The following NRG3 variants were observed in gnomAD, a reference collection of about 807,000 sequenced individuals.
The protein encoded by NRG3 is neuregulin 3.
A neutral mutation model predicts 66.9 loss-of-function variants in NRG3; 31 were observed. That is an observed-to-expected ratio of 0.46 (90% CI 0.35 to 0.63). The LOEUF (loss-of-function observed/expected upper bound fraction) is 0.63. Among genes scored for constraint, NRG3 ranks in the 20% least tolerant of loss-of-function variants. The pLI is 0.00. For missense variants in NRG3, 910 were observed against 878.9 expected, an observed-to-expected ratio of 1.04 and a Z score of -0.45; for synonymous variants, 393 against 359.4, an observed-to-expected ratio of 1.09 and a Z score of -1.06.
At chr10:82,499,023 T>C (rs1843887265) in intron 2 of NRG3, among the ~76,000 whole-genome samples, 1 of 151,876 alleles carries the variant, frequency 6.6e-6, no homozygotes, top group African/African-American at 2.4e-5. Context: ...ACATATTGAG[T>C]AGCAGGAACC....
At chr10:82,382,174 GA>G (rs2085660368) in intron 2 of NRG3, among the ~76,000 whole-genome samples, 1 of 151,904 alleles carries the variant, frequency 6.6e-6, no homozygotes, top group Non-Finnish European at 1.5e-5. Context: ...AGTGCACATG[GA>G]AAAGAAAAAT....
chr10:82,217,758 C>T (rs2075759851), intron 1 of NRG3, among the ~76,000 whole-genome samples: 1 of 152,194 alleles, frequency 6.6e-6, no homozygotes, highest in African/African-American at 2.4e-5. Flanking sequence ...TAAAATTACA[C>T]TTCCTCCTCT....
intron 1 of NRG3, among the ~76,000 whole-genome samples, chr10:82,303,324 T>C (rs1021210166): frequency 8.3e-5 from 11 of 132,340 alleles, no homozygotes; most frequent in Non-Finnish European, 1.7e-4. Flanking sequence ...TACATACTAC[T>C]GTGCGTGTAT....
At position 82,189,035 on chromosome 10, in the gene NRG3, A is replaced by T. The variant is rs184947124; in HGVS notation, c.824-169704A>T. ...ATTTTAAAAAGCCATGAAATAATTAAGTAAACTGGATATTCACATAATGAA... is the reference window on the plus strand; with the variant it reads ...ATTTTAAAAAGCCATGAAATAATTATGTAAACTGGATATTCACATAATGAA... On this transcript the variant is annotated intron_variant, in intron 1 of 8. Transcript: ENST00000372141. Among the ~76,000 whole-genome samples the T allele has an allele frequency of 3.3e-5, 5 of 152,342 alleles. No homozygotes were observed. The East Asian group carries it at 9.6e-4, about 29-fold the overall frequency.
intron 1 of NRG3, among the ~76,000 whole-genome samples, chr10:82,115,298 G>A (rs1272372470): frequency 1.3e-5 from 2 of 152,042 alleles, no homozygotes; most frequent in African/African-American, 2.4e-5. Context: ...ATTTCCAAGA[G>A]GCCCCTTCAA....
At chr10:81,910,428 ATTGGAT>A (rs1845021523) in intron 1 of NRG3, among the ~76,000 whole-genome samples, 1 of 152,180 alleles carries the variant, frequency 6.6e-6, no homozygotes, top group African/African-American at 2.4e-5. Flanking sequence ...ACTTCAGCAA[ATTGGAT>A]CAACACTAAT....
chr10:81,959,964 T>C (rs1390511644), intron 1 of NRG3, among the ~76,000 whole-genome samples: 7 of 152,188 alleles, frequency 4.6e-5, no homozygotes, highest in Non-Finnish European at 8.8e-5. Context: ...TAATTTGGAA[T>C]TCTAATTTTC....
intron 3 of NRG3, among the ~76,000 whole-genome samples, chr10:82,804,132 C>A (rs973671119): frequency 6.6e-6 from 1 of 152,034 alleles, no homozygotes; most frequent in Admixed American, 6.6e-5. Context: ...ACTTAATGGC[C>A]CCAAAGTGCA....
intron 1 of NRG3, among the ~76,000 whole-genome samples, chr10:81,891,386 T>C (rs763956949): frequency 7.2e-5 from 11 of 152,170 alleles, no homozygotes; most frequent in Non-Finnish European, 1.3e-4. Context: ...TATGGCGCAC[T>C]TTAAGGTATT....
chr10:82,510,706 C>T (rs1284068620), intron 2 of NRG3, among the ~76,000 whole-genome samples: 1 of 152,186 alleles, frequency 6.6e-6, no homozygotes, highest in Non-Finnish European at 1.5e-5. Flanking sequence ...GTTCTCTTCC[C>T]TTTTATCTCC....
At chr10:82,119,204 A>G (rs1249147408) in intron 1 of NRG3, among the ~76,000 whole-genome samples, 1 of 152,172 alleles carries the variant, frequency 6.6e-6, no homozygotes, top group Admixed American at 6.6e-5. Flanking sequence ...AAATTATGAA[A>G]TATACAATAC....
intron 3 of NRG3, among the ~76,000 whole-genome samples, chr10:82,747,946 G>A (rs1311646931): frequency 4.0e-5 from 6 of 151,668 alleles, no homozygotes; most frequent in Middle Eastern, 3.6e-3. Flanking sequence ...ATTTATGTTA[G>A]TGTGTAGTTT....
intron 2 of NRG3, among the ~76,000 whole-genome samples, chr10:82,544,318 G>T (rs1002991547): frequency 9.2e-5 from 14 of 151,900 alleles, no homozygotes; most frequent in African/African-American, 3.4e-4. Flanking sequence ...TTTTTTTGTT[G>T]TTGTTTTTTG....
chr10:82,005,871 A>G (rs1054896316), intron 1 of NRG3, among the ~76,000 whole-genome samples: 1 of 147,592 alleles, frequency 6.8e-6, no homozygotes, highest in East Asian at 2.0e-4. Flanking sequence ...AAAAATTCCT[A>G]AGGTAACATA....
chr10:81,933,131 G>GA (rs948896374), intron 1 of NRG3, among the ~76,000 whole-genome samples: 1 of 145,320 alleles, frequency 6.9e-6, no homozygotes, highest in African/African-American at 2.5e-5. Flanking sequence ...AAAAAGAAAA[G>GA]AAAAAAAGAA....
At chr10:82,848,794 G>C (rs1564563695) in intron 3 of NRG3, among the ~76,000 whole-genome samples, 1 of 152,160 alleles carries the variant, frequency 6.6e-6, no homozygotes, top group Non-Finnish European at 1.5e-5. Context: ...TCTCATGATA[G>C]TGAATAAGTC....
Position 81,894,061 on chromosome 10 carries a change from C to T in NRG3, c.823+17898C>T, listed in dbSNP as rs1843279727. On this transcript the variant is annotated intron_variant, in intron 1 of 8. Transcript: ENST00000372141. Reference sequence around the variant, plus strand: ...CTATGCATGGAAATTTATTTTCTGGCTGGGTGTCGTGGCTCAGGCCTGTAA... The same window carrying T: ...CTATGCATGGAAATTTATTTTCTGGTTGGGTGTCGTGGCTCAGGCCTGTAA... 2.0e-5 allele frequency among the ~76,000 whole-genome samples: 3 copies of T among 152,152 alleles called. No individual in the cohort carries two copies. The South Asian group carries it at 6.2e-4, about 32-fold the overall frequency.
intron 2 of NRG3, among the ~76,000 whole-genome samples, chr10:82,566,851 T>C (rs1346130525): frequency 6.6e-6 from 1 of 151,646 alleles, no homozygotes; most frequent in African/African-American, 2.4e-5. Flanking sequence ...TAGTGGGAGG[T>C]TGTTTAGGTC....
At chr10:82,532,940 G>A (rs1188150269) in intron 2 of NRG3, among the ~76,000 whole-genome samples, 3 of 149,260 alleles carry the variant, frequency 2.0e-5, no homozygotes, top group Non-Finnish European at 1.5e-5. Flanking sequence ...GCCAACACAT[G>A]TTATTTTCTG....
Sources: allele counts gnomAD v4.1 joint callset (sites outside exome capture counted in the v4.1 genomes callset), GRCh38; gene constraint gnomAD v4.1.1; transcripts MANE v1.5; gene names NCBI Gene and HGNC (gene_info 2026-07-23, HGNC 2026-07-21).